The following ZNF804B variants were observed in gnomAD, a reference collection of about 807,000 sequenced individuals.
The protein encoded by ZNF804B is zinc finger 804B.
A neutral mutation model predicts 101.4 loss-of-function variants in ZNF804B; 80 were observed. That is an observed-to-expected ratio of 0.79 (90% CI 0.66 to 0.95). The LOEUF (loss-of-function observed/expected upper bound fraction) is 0.95. ZNF804B is among the 40% of genes least tolerant of loss of function. The probability of loss-of-function intolerance (pLI) is 0.00; values close to 1 mark genes in which losing one functional copy is unlikely to be tolerated. For missense variants in ZNF804B, 1,673 were observed against 1,561.9 expected, an observed-to-expected ratio of 1.07 and a Z score of -1.20; for synonymous variants, 622 against 558.8, an observed-to-expected ratio of 1.11 and a Z score of -1.59.
chr7:89,123,611 A>T (rs1417312854), intron 1 of ZNF804B, among the ~76,000 whole-genome samples: 2 of 152,198 alleles, frequency 1.3e-5, no homozygotes, highest in Non-Finnish European at 2.9e-5. Context: ...CAAATATTTA[A>T]AATAATTATG....
At chr7:88,952,940 T>C (rs1793247172) in intron 1 of ZNF804B, among the ~76,000 whole-genome samples, 1 of 151,758 alleles carries the variant, frequency 6.6e-6, no homozygotes, top group Non-Finnish European at 1.5e-5. Flanking sequence ...TTGCAAGTGT[T>C]ACTTCTGGGT....
At chr7:88,859,709 C>T (rs1437693014) in intron 1 of ZNF804B, among the ~76,000 whole-genome samples, 1 of 151,794 alleles carries the variant, frequency 6.6e-6, no homozygotes, top group East Asian at 1.9e-4. Context: ...TAAATGTTTC[C>T]TCAAGGAAAC....
intron 1 of ZNF804B, among the ~76,000 whole-genome samples, chr7:89,059,176 T>C (rs1168924694): frequency 6.6e-6 from 1 of 152,198 alleles, no homozygotes; most frequent in East Asian, 1.9e-4. Context: ...GCATTTTCAG[T>C]TGTATGCAGG....
chr7:88,824,279 C>T (rs1184401064), intron 1 of ZNF804B, among the ~76,000 whole-genome samples: 1 of 152,136 alleles, frequency 6.6e-6, no homozygotes, highest in African/African-American at 2.4e-5. Flanking sequence ...GAAGTAATTG[C>T]ATCATGGGGG....
chr7:89,014,529 A>G (rs1332946395), intron 1 of ZNF804B, among the ~76,000 whole-genome samples: 1 of 151,984 alleles, frequency 6.6e-6, no homozygotes, highest in Non-Finnish European at 1.5e-5. Context: ...TGTTAGCCAG[A>G]ATGGTTTTGA....
chr7:89,309,178 C>G (rs1227241327), intron 2 of ZNF804B, among the ~76,000 whole-genome samples: 1 of 152,004 alleles, frequency 6.6e-6, no homozygotes, highest in Non-Finnish European at 1.5e-5. Flanking sequence ...GTCTATTGTT[C>G]CCATCTCTGT....
At chr7:89,126,270 A>G (rs934945592) in intron 1 of ZNF804B, among the ~76,000 whole-genome samples, 6 of 152,006 alleles carry the variant, frequency 3.9e-5, no homozygotes, top group Admixed American at 3.3e-4. Context: ...GGTTTTCCCA[A>G]TATATTTTTG....
intron 1 of ZNF804B, among the ~76,000 whole-genome samples, chr7:89,060,158 C>T (rs577534156): frequency 5.7e-4 from 87 of 152,174 alleles, no homozygotes; most frequent in Non-Finnish European, 1.0e-3. Flanking sequence ...TGCAGATAGC[C>T]TGTCATGGGA....
At chr7:88,968,079 CAA>C (rs977658941) in intron 1 of ZNF804B, among the ~76,000 whole-genome samples, 1 of 151,362 alleles carries the variant, frequency 6.6e-6, no homozygotes, top group Non-Finnish European at 1.5e-5. Context: ...AAAAATTCAT[CAA>C]GAGAGTCTTC....
At chr7:88,962,543 A>T (rs1057243890) in intron 1 of ZNF804B, among the ~76,000 whole-genome samples, 1 of 150,864 alleles carries the variant, frequency 6.6e-6, no homozygotes, top group East Asian at 2.0e-4. Flanking sequence ...AACATTCTCC[A>T]TGAATGTCTT....
chr7:89,168,312 CTG>C (rs979316838), intron 1 of ZNF804B, among the ~76,000 whole-genome samples: 2 of 127,460 alleles, frequency 1.6e-5, no homozygotes, highest in East Asian at 2.0e-4. Context: ...TGTGTGTGTA[CTG>C]TGTGTGTGTA....
chr7:89,174,452 TA>T (rs1477960826), intron 1 of ZNF804B, among the ~76,000 whole-genome samples: 1 of 152,110 alleles, frequency 6.6e-6, no homozygotes, highest in African/African-American at 2.4e-5. Context: ...TATGGCTGAA[TA>T]GTACTCCATT....
intron 2 of ZNF804B, among the ~76,000 whole-genome samples, chr7:89,269,216 C>T (rs1157099571): frequency 2.0e-5 from 3 of 152,068 alleles, no homozygotes; most frequent in Non-Finnish European, 4.4e-5. Flanking sequence ...CTCCCCCTTC[C>T]CCCTACCCCA....
chr7:89,027,401 A>G (rs762600196), intron 1 of ZNF804B, among the ~76,000 whole-genome samples: 6 of 152,172 alleles, frequency 3.9e-5, no homozygotes, highest in Non-Finnish European at 8.8e-5. Flanking sequence ...TTCCATTGTA[A>G]TAAAACAAAA....
chr7:89,314,013 T>TC (rs1262319532), intron 2 of ZNF804B, among the ~76,000 whole-genome samples: 1 of 152,162 alleles, frequency 6.6e-6, no homozygotes, highest in Non-Finnish European at 1.5e-5. Context: ...TTTCCCTATT[T>TC]CCCTCTAGGA....
chr7:89,176,987 C>G (rs1325446706), intron 1 of ZNF804B, among the ~76,000 whole-genome samples: 1 of 151,984 alleles, frequency 6.6e-6, no homozygotes, highest in Non-Finnish European at 1.5e-5. Context: ...GTAATATCTC[C>G]TTTTTCCTGT....
intron 1 of ZNF804B, among the ~76,000 whole-genome samples, chr7:89,159,849 G>A (rs147362417): frequency 4.6e-5 from 7 of 152,178 alleles, no homozygotes; most frequent in African/African-American, 1.7e-4. Flanking sequence ...ACCAATTTAG[G>A]GGATATAAAA....
At chr7:88,953,669 G>A (rs1793258310) in intron 1 of ZNF804B, among the ~76,000 whole-genome samples, 1 of 151,668 alleles carries the variant, frequency 6.6e-6, no homozygotes, top group African/African-American at 2.4e-5. Context: ...TTGCATGAAT[G>A]TGATTATTAG....
In ZNF804B at chr7:89,051,517, A is replaced by T. The variant is rs73707735; in HGVS notation, c.109-166638A>T. Among the ~76,000 whole-genome samples the T allele has an allele frequency of 1.9e-3, 287 of 152,268 alleles. 2 individuals are homozygous for T. The highest frequency in any genetic ancestry group is 6.5e-3 in the African/African-American group (271 of 41,568). ...AAAGCCCAAAGTTTGCTATTTTACCATTCAAGCTTCTGAGTCCAGCAAATA... is the reference window on the plus strand; with the variant it reads ...AAAGCCCAAAGTTTGCTATTTTACCTTTCAAGCTTCTGAGTCCAGCAAATA... On this transcript the variant is annotated intron_variant, in intron 1 of 3. Transcript: ENST00000333190.
Sources: allele counts gnomAD v4.1 joint callset (sites outside exome capture counted in the v4.1 genomes callset), GRCh38; gene constraint gnomAD v4.1.1; transcripts MANE v1.5; gene names NCBI Gene and HGNC (gene_info 2026-07-23, HGNC 2026-07-21).